The following IQGAP2 variants were observed in gnomAD, a reference collection of about 807,000 sequenced individuals.
IQGAP2 encodes IQ motif containing GTPase activating protein 2, also known as ras GTPase-activating-like protein IQGAP2.
In IQGAP2, 173 loss-of-function variants were observed where a neutral mutation model predicts 201.3. The observed-to-expected ratio is 0.86, with a 90% confidence interval of 0.76 to 0.98. IQGAP2 has a LOEUF of 0.98. IQGAP2 is among the 50% of genes least tolerant of loss of function. The probability of loss-of-function intolerance (pLI) is 0.00; values close to 1 mark genes in which losing one functional copy is unlikely to be tolerated. For synonymous variants in IQGAP2, 675 were observed against 673.9 expected, an observed-to-expected ratio of 1.00 and a Z score of -0.03; for missense variants, 1,687 against 1,864.8, an observed-to-expected ratio of 0.90 and a Z score of 1.76.
chr5:76,550,852 C>T (rs1743420861), intron 2 of IQGAP2, among the ~76,000 whole-genome samples: 1 of 152,262 alleles, frequency 6.6e-6, no homozygotes, highest in Non-Finnish European at 1.5e-5. Flanking sequence ...GGCCCGTTCT[C>T]AATGAGCTGT....
intron 34 of IQGAP2, chr5:76,702,073 T>C (rs11950408): frequency 0.32 from 49,519 of 152,734 alleles, 8,143 homozygotes; most frequent in Non-Finnish European, 0.35. Context: ...CCTCTGAAAG[T>C]GCTGGGATTA....
At chr5:76,683,980 A>G (rs1745527708) in intron 30 of IQGAP2, 63 bp downstream of exon 30, 2 of 1,423,680 alleles carry the variant, frequency 1.4e-6, no homozygotes, top group Admixed American at 2.0e-5. Flanking sequence ...GCAAATTCAA[A>G]TGAGGCTAAA....
At chr5:76,581,610 C>A (rs1366853990) in intron 5 of IQGAP2, among the ~76,000 whole-genome samples, 2 of 152,172 alleles carry the variant, frequency 1.3e-5, no homozygotes, top group African/African-American at 4.8e-5. Context: ...AGACTATGAA[C>A]CACATCTTGT....
intron 3 of IQGAP2, among the ~76,000 whole-genome samples, chr5:76,566,133 A>T (rs1214843134): frequency 2.0e-5 from 3 of 152,134 alleles, no homozygotes; most frequent in African/African-American, 7.2e-5. Flanking sequence ...ATTGCATGTC[A>T]GGCACTATTC....
At chr5:76,522,155 G>C (rs1411599874) in intron 2 of IQGAP2, among the ~76,000 whole-genome samples, 1 of 151,230 alleles carries the variant, frequency 6.6e-6, no homozygotes, top group East Asian at 2.0e-4. Flanking sequence ...CTTCTTTTAT[G>C]TAACCAGGAG....
chr5:76,563,304 G>A (rs1341490163), intron 3 of IQGAP2, among the ~76,000 whole-genome samples: 2 of 152,028 alleles, frequency 1.3e-5, no homozygotes, highest in Non-Finnish European at 2.9e-5. Context: ...AAGGAGGAGG[G>A]AGAAGAAAAC....
chr5:76,529,146 G>A (rs924327942), intron 2 of IQGAP2, among the ~76,000 whole-genome samples: 1 of 152,202 alleles, frequency 6.6e-6, no homozygotes, highest in East Asian at 1.9e-4. Context: ...GGGGAGATCA[G>A]AATGTTGAAA....
rs756838295 is a variant in IQGAP2 at position 76,654,221 on chromosome 5, G to A, written c.2200G>A (p.Ala734Thr). 2 of 1,609,100 alleles carry A rather than the reference G, an allele frequency of 1.2e-6. No homozygotes were observed. Residue 734 changes from alanine to threonine, a missense_variant, in exon 19 of 36, where the codon GCA becomes ACA. Ala to Thr is a moderately conservative substitution (Grantham distance 58, BLOSUM62 0). Coordinates refer to ENST00000274364, the MANE Select transcript of IQGAP2 (RefSeq NM_006633.5). The part of the protein sequence containing the change: ...IVKIQSWFRM[A>T]TARKSYLSRL... ...TCAGATTCAGTCCTGGTTCCGAATG[G>A]CAACTGCAAGAAAGAGCTATCTTTC...
chr5:76,499,921 C>G (rs1255029256), intron 2 of IQGAP2, among the ~76,000 whole-genome samples: 1 of 151,964 alleles, frequency 6.6e-6, no homozygotes, highest in African/African-American at 2.4e-5. Flanking sequence ...GCCTGGGAAG[C>G]ATAGTGAAAC....
intron 30 of IQGAP2, among the ~76,000 whole-genome samples, chr5:76,687,605 C>T (rs922842703): frequency 6.6e-6 from 1 of 152,176 alleles, no homozygotes; most frequent in Admixed American, 6.5e-5. Flanking sequence ...TTTACAGCTG[C>T]TCCCCATTGC....
rs530030241 is a variant in IQGAP2 at position 76,551,382 on chromosome 5, G to A, written c.147-11014G>A. Among the ~76,000 whole-genome samples the A allele has an allele frequency of 2.9e-3, 429 of 150,260 alleles. 5 individuals are homozygous for A. The highest frequency in any genetic ancestry group is 0.01 in the African/African-American group (412 of 39,928). ...CCTCACTTCCCAGACTGGGCGGCCG[G>A]GCAGAGGGGCTCCTCACATCCCAGA... On this transcript the variant is annotated intron_variant, in intron 2 of 35. Transcript: ENST00000274364.
chr5:76,664,839 T>C (rs1188029626), intron 21 of IQGAP2, among the ~76,000 whole-genome samples, 187 bp from the exon 22 acceptor site: 2 of 151,462 alleles, frequency 1.3e-5, no homozygotes, highest in Admixed American at 1.3e-4. Context: ...ATGTTCAATG[T>C]AGGATTGCAC....
Position 76,637,045 on chromosome 5 carries a change from G to A in IQGAP2, c.1792G>A (p.Gly598Ser), listed in dbSNP as rs771181771. ...ACTTTTTTCTTTAGTGTCTAGTGAC[G>A]GTTCATGGCTCAAACTCAACCTGCA... ...ELKSERVSSD[G>S]SWLKLNLHKK... Residue 598 changes from glycine to serine, a missense_variant, in exon 16 of 36, where the codon GGT (glycine) becomes AGT (serine). By Grantham distance (56) the Gly-to-Ser change is moderately conservative (BLOSUM62 0). Transcript: ENST00000274364. 10 of 1,606,852 alleles carry A rather than the reference G, an allele frequency of 6.2e-6. No individual in the cohort carries two copies. The Admixed American group carries it at 6.8e-5, about 11-fold the overall frequency.
chr5:76,416,531 C>CTTTTTTTTTTTTT (rs1200311978), intron 1 of IQGAP2, among the ~76,000 whole-genome samples: 1 of 144,074 alleles, frequency 6.9e-6, no homozygotes, highest in Admixed American at 6.9e-5. Context: ...GTTCTTTGAG[C>CTTTTTTTTTTTTT]TTTTTTTTTT....
chr5:76,653,964 T>C (rs994454639), intron 18 of IQGAP2, among the ~76,000 whole-genome samples: 5 of 152,236 alleles, frequency 3.3e-5, no homozygotes, highest in African/African-American at 1.2e-4. Flanking sequence ...TTCTCTCTTA[T>C]TAAGGTGGTG....
chr5:76,655,393 TG>T (rs1460842160), intron 20 of IQGAP2, among the ~76,000 whole-genome samples: 2 of 152,218 alleles, frequency 1.3e-5, no homozygotes, highest in Non-Finnish European at 2.9e-5. Context: ...AAATGACAAC[TG>T]CAAATATCTT....
intron 18 of IQGAP2, 145 bp downstream of exon 18, chr5:76,652,978 G>T (rs373477848): frequency 8.1e-6 from 5 of 613,618 alleles, no homozygotes; most frequent in Middle Eastern, 5.2e-4. Context: ...TCCCAGTTCT[G>T]CTGCTCATTT....
intron 30 of IQGAP2, among the ~76,000 whole-genome samples, chr5:76,685,825 T>C (rs974175636): frequency 1.3e-5 from 2 of 152,222 alleles, no homozygotes; most frequent in Admixed American, 1.3e-4. Context: ...CATTTTAAAG[T>C]GTACATGCAT....
intron 4 of IQGAP2, among the ~76,000 whole-genome samples, chr5:76,572,563 G>A (rs553737573): frequency 3.3e-5 from 5 of 151,926 alleles, no homozygotes; most frequent in East Asian, 3.9e-4. Flanking sequence ...GTAACCTCCC[G>A]AGTAGCTGGG....
Sources: allele counts gnomAD v4.1 joint callset (sites outside exome capture counted in the v4.1 genomes callset), GRCh38; gene constraint gnomAD v4.1.1; transcripts MANE v1.5; gene names NCBI Gene and HGNC (gene_info 2026-07-23, HGNC 2026-07-21).